The following HSF4 variants were observed in gnomAD, a reference collection of about 807,000 sequenced individuals.
HSF4 encodes heat shock factor protein 4.
Under a neutral mutation model 52.0 loss-of-function variants are expected in HSF4, and 41 were observed. The observed-to-expected ratio is 0.79, with a 90% CI of 0.61 to 1.02. The LOEUF is 1.02. HSF4 is among the 50% of genes least tolerant of loss of function. The pLI is 0.00. For synonymous variants in HSF4, 285 were observed against 273.0 expected, an observed-to-expected ratio of 1.04 and a Z score of -0.43; for missense variants, 610 against 651.1, an observed-to-expected ratio of 0.94 and a Z score of 0.69.
upstream of HSF4, chr16:67,164,532 C>CCCAA (rs1271964791): frequency 3.1e-6 from 2 of 646,932 alleles, no homozygotes; most frequent in African/African-American, 3.6e-5. Context: ...GGGACTCGAA[C>CCCAA]CCAAGTCTCC....
chr16:67,164,754 G>A lies in HSF4; in HGVS notation c.-58G>A. On this transcript the variant is annotated 5_prime_UTR_variant, in exon 1 of 13. Transcript: ENST00000521374. ...GGGCGGCAAACGCAGCACTTTCCGC[G>A]GCTTTGACGAGCCCGCAGCGGCCGG... 6 of 1,534,950 alleles carry A rather than the reference G, an allele frequency of 3.9e-6. No homozygotes were observed. Among genetic ancestry groups the A allele is most frequent in the Non-Finnish European group, 5.2e-6 (6 of 1,151,188 alleles).
At chr16:67,164,022 C>T, upstream of HSF4, 1 of 766,070 alleles carries the variant, frequency 1.3e-6, no homozygotes, top group South Asian at 1.5e-5. Flanking sequence ...TCTGCAGACG[C>T]CCCACCCGCT....
Position 67,169,931 on chromosome 16 carries a change from C to CG in HSF4, c.*147dup. On this transcript the variant is annotated 3_prime_UTR_variant, in exon 13 of 13. Transcript: ENST00000521374. This position sits in a 1 kb window ranked among gnomAD's most constrained non-coding sequence, Gnocchi z 4.3. ...CCCGACTATCCCTGCACATAAACTCCGTTTTTTTTTTTTCTGTTTCTGGTC... is the reference window on the plus strand; with the variant it reads ...CCCGACTATCCCTGCACATAAACTCCGGTTTTTTTTTTTTCTGTTTCTGGTC... 1 of 770,620 alleles carries CG rather than the reference C, an allele frequency of 1.3e-6. No individual in the cohort carries two copies. Among genetic ancestry groups the CG allele is most frequent in the Non-Finnish European group, 2.1e-6 (1 of 473,098 alleles). The allele number at this position is 770,620 out of a possible 1,614,324, so 47.7% of individuals were successfully genotyped here.
At chr16:67,166,286 C>A (rs375086636) in intron 4 of HSF4, 34 bp from the exon 5 acceptor site, 19 of 1,594,380 alleles carry the variant, frequency 1.2e-5, no homozygotes, top group Non-Finnish European at 1.5e-5. Flanking sequence ...GGCGAACTCT[C>A]AGATGCCTCA....
intron 7 of HSF4, 65 bp downstream of exon 7, chr16:67,167,287 C>T: frequency 1.2e-6 from 2 of 1,611,768 alleles, no homozygotes; most frequent in South Asian, 1.1e-5. Flanking sequence ...TGTTCCTTCT[C>T]CCCATCCCCT....
At chr16:67,163,801 G>A (rs372093553), upstream of HSF4, 3 of 1,558,814 alleles carry the variant, frequency 1.9e-6, no homozygotes, top group Admixed American at 1.9e-5. Context: ...CATCCCTGGA[G>A]GCCTACGCTC....
In HSF4 at chr16:67,165,654, G is replaced by A. The variant is rs748694095; in HGVS notation, c.232+24G>A. The A allele has an allele frequency of 1.9e-6, 3 of 1,612,608 alleles. No homozygotes were observed. The highest frequency in any genetic ancestry group is 2.7e-5 in the African/African-American group (2 of 74,942). On this transcript the variant is annotated intron_variant, in intron 2 of 12. Transcript: ENST00000521374. This position sits in a 1 kb window ranked among gnomAD's most constrained non-coding sequence, Gnocchi z 6.9. ...GTGTGAGTCCCTACGGCCGGGCGGG[G>A]AGCGGGGATGGGGGACTCGGTGCCG...
At chr16:67,163,841 G>T, upstream of HSF4, 8 of 1,528,232 alleles carry the variant, frequency 5.2e-6, 1 homozygote, top group Middle Eastern at 4.0e-4. Flanking sequence ...TCTCTCCCCC[G>T]TCCCCGTGGA....
chr16:67,169,858 A>G lies in HSF4; in HGVS notation c.*73A>G. 1.3e-6 allele frequency: 2 copies of G among 1,555,582 alleles called. No homozygotes were observed. The highest frequency in any genetic ancestry group is 2.2e-5 in the East Asian group (1 of 44,566). On this transcript the variant is annotated 3_prime_UTR_variant, in exon 13 of 13. Transcript: ENST00000521374. The surrounding 1 kb of genome is among the most constrained non-coding windows in gnomAD (Gnocchi z 4.3). ...CCTTCTTGGCTTCCTGGCGCCCCCT[A>G]TCGGGGGTGAGCGAAGCCCCCACTA...
Position 67,165,120 on chromosome 16 carries a change from G to A in HSF4, c.123+186G>A, listed in dbSNP as rs2145917975. ...TCCTCTGCGGCCGAAGAAGGGTTAG[G>A]AGCCTGCCTTCTGAAGACCTAGAGT... On this transcript the variant is annotated intron_variant, in intron 1 of 12. Coordinates refer to ENST00000521374, the MANE Select transcript of HSF4 (RefSeq NM_001374675.1). This position sits in a 1 kb window ranked among gnomAD's most constrained non-coding sequence, Gnocchi z 6.9. The A allele has an allele frequency of 7.4e-6, 5 of 671,916 alleles. No homozygotes were observed. In the South Asian group the frequency reaches 9.8e-5, roughly 13 times the overall value. 41.6% of individuals were successfully genotyped at this position (671,916 alleles called of 1,614,324 possible).
chr16:67,164,236 T>C, upstream of HSF4: 2 of 438,354 alleles, frequency 4.6e-6, no homozygotes, highest in Non-Finnish European at 8.8e-6. Flanking sequence ...ACGCGCGGGG[T>C]ACCGGAGGAG....
At position 67,166,450 on chromosome 16, in the gene HSF4, ACCGCCCAGTCCCCCGGCGC is replaced by A. The variant is rs2031302850; in HGVS notation, c.561+58_561+76del. 2.5e-6 allele frequency: 4 copies of A among 1,587,932 alleles called. No homozygotes were observed. The East Asian group carries it at 9.0e-5, about 36-fold the overall frequency. Reference sequence around the variant, plus strand: ...CTCCCACTCCTCGACACCCCATTCCACCGCCCAGTCCCCCGGCGCCCCTGTTAAGCCTTCCTCCCTCACC... The same window carrying A: ...CTCCCACTCCTCGACACCCCATTCCACCCTGTTAAGCCTTCCTCCCTCACC... On this transcript the variant is annotated intron_variant, in intron 5 of 12. Coordinates refer to ENST00000521374, the MANE Select transcript of HSF4 (RefSeq NM_001374675.1).
chr16:67,169,398 G>C lies in HSF4; in HGVS notation c.1324+50G>C, dbSNP rs1238568541. On this transcript the variant is annotated intron_variant, in intron 12 of 12. Transcript: ENST00000521374. This position sits in a 1 kb window ranked among gnomAD's most constrained non-coding sequence, Gnocchi z 4.3. ...TGGGAGGACGCCGTGATTGGGCTGAGCTACCTTGATTGAGTGAGGGGGCAA... is the reference window on the plus strand; with the variant it reads ...TGGGAGGACGCCGTGATTGGGCTGACCTACCTTGATTGAGTGAGGGGGCAA... 4.4e-6 allele frequency: 7 copies of C among 1,593,746 alleles called. No individual in the cohort carries two copies. The highest frequency in any genetic ancestry group is 6.0e-6 in the Non-Finnish European group (7 of 1,169,918).
intron 9 of HSF4, 88 bp from the exon 10 acceptor site, chr16:67,168,743 G>T: frequency 1.0e-6 from 1 of 956,426 alleles, no homozygotes; most frequent in Non-Finnish European, 1.7e-6. Context: ...TCTAAAGATT[G>T]GGGGATTAAA....
intron 6 of HSF4, 21 bp downstream of exon 6, chr16:67,166,643 G>A (rs1408772338): frequency 1.2e-6 from 2 of 1,611,502 alleles, no homozygotes; most frequent in Non-Finnish European, 8.5e-7. Context: ...AAGCCAAGAA[G>A]GCCCACACCC....
In HSF4 at chr16:67,165,856, G is replaced by T. The variant is rs2031235433; in HGVS notation, c.360+10G>T. 1 of 1,600,936 alleles carries T rather than the reference G, an allele frequency of 6.2e-7. No individual in the cohort carries two copies. On this transcript the variant is annotated intron_variant, in intron 3 of 12. Coordinates refer to ENST00000521374, the MANE Select transcript of HSF4 (RefSeq NM_001374675.1). The surrounding 1 kb of genome is among the most constrained non-coding windows in gnomAD (Gnocchi z 6.9). ...GCGCGTGCGGCGCAAGGTGGGGGCG[G>T]CCTGCGGGAATGAGCAAAGAGGAGG...
rs1247883628 is a variant in HSF4 at position 67,166,353 on chromosome 16, A to C, written c.519A>C (p.Thr173=). The C allele has an allele frequency of 1.2e-6, 2 of 1,607,676 alleles. No homozygotes were observed. Among genetic ancestry groups the C allele is most frequent in the Non-Finnish European group, 1.7e-6 (2 of 1,177,190 alleles). Residue 173 remains threonine, a synonymous_variant, in exon 5 of 13, where the codon ACA becomes ACC. Coordinates refer to ENST00000521374, the MANE Select transcript of HSF4 (RefSeq NM_001374675.1). ...QNEILWREVV[T]LRQSHGQQHR... is the part of the protein sequence containing the mutation. ...AGATCTTGTGGCGGGAGGTGGTGAC[A>C]CTTCGGCAGAGCCACGGTCAGCAGC... is the stretch of plus-strand genomic sequence containing the variant.
In HSF4 at chr16:67,165,946, G is replaced by T. The variant is rs749388656; in HGVS notation, c.361G>T (p.Val121Leu). The T allele has an allele frequency of 6.3e-7, 1 of 1,576,530 alleles. No individual in the cohort carries two copies. The highest frequency in any genetic ancestry group is 1.3e-5 in the African/African-American group (1 of 74,436). ...EQLLERVRRK[V>L]PALRGDDGRW... ...TCCCGACGGTGCCTCCCGCCTGCAG[G>T]TGCCCGCGCTGCGCGGCGACGACGG... Residue 121 changes from valine (V) to leucine (L), a missense_variant and splice_region_variant, in exon 4 of 13, where the codon GTG (valine) becomes TTG (leucine). Transcript: ENST00000521374. This position sits in a 1 kb window ranked among gnomAD's most constrained non-coding sequence, Gnocchi z 6.9.
chr16:67,169,279 A>G lies in HSF4; in HGVS notation c.1255A>G (p.Met419Val), dbSNP rs1426716171. Residue 419 changes from methionine (M) to valine (V), a missense_variant and splice_region_variant, in exon 12 of 13, where the codon ATG (methionine) becomes GTG (valine). Transcript: ENST00000521374. This position sits in a 1 kb window ranked among gnomAD's most constrained non-coding sequence, Gnocchi z 4.3. ...GCTGCTCCCTGCGGTTCTCACGCAG[A>G]TGCAGCCCTTGGTTCCAGAGCGGGG... ...LMDLDMELSLMQPLVPERGEP... is the reference protein window; with the variant it reads ...LMDLDMELSLVQPLVPERGEP... 1 of 1,613,536 alleles carries G rather than the reference A, an allele frequency of 6.2e-7. No individual in the cohort carries two copies. The highest frequency in any genetic ancestry group is 1.3e-5 in the African/African-American group (1 of 75,030).
Sources: allele counts gnomAD v4.1 joint callset, GRCh38; gene constraint gnomAD v4.1.1; non-coding constraint Gnocchi (gnomAD v3.1); transcripts MANE v1.5; gene names NCBI Gene and HGNC (gene_info 2026-07-23, HGNC 2026-07-21).